RGS6: variants seen among roughly 807,000 people sequenced by gnomAD.
RGS6 encodes regulator of G protein signaling 6.
Under a neutral mutation model 78.5 loss-of-function variants are expected in RGS6, and 30 were observed. The ratio of observed to expected loss-of-function variants is 0.38; its 90% CI spans 0.29 to 0.52. The LOEUF (loss-of-function observed/expected upper bound fraction) is 0.52, where lower values mean the gene tolerates loss of function less well. RGS6 is among the 20% of genes least tolerant of loss of function. The probability of loss-of-function intolerance (pLI) is 0.85; values close to 1 mark genes in which losing one functional copy is unlikely to be tolerated. For synonymous variants in RGS6, 206 were observed against 206.0 expected, an observed-to-expected ratio of 1.00 and a Z score of 0.00; for missense variants, 495 against 609.7, an observed-to-expected ratio of 0.81 and a Z score of 1.98.
At chr14:72,471,466 C>T (rs2096074547) in intron 8 of RGS6, among the ~76,000 whole-genome samples, 1 of 152,228 alleles carries the variant, frequency 6.6e-6, no homozygotes, top group African/African-American at 2.4e-5. Flanking sequence ...GAGAATGGGA[C>T]TATGTTTCCT....
intron 2 of RGS6, among the ~76,000 whole-genome samples, chr14:72,033,055 A>G (rs997750983): frequency 1.3e-5 from 2 of 152,248 alleles, no homozygotes; most frequent in African/African-American, 4.8e-5. Flanking sequence ...CAACTAACCA[A>G]TTAAGCACAA....
intron 14 of RGS6, 92 bp downstream of exon 14, chr14:72,510,371 T>A: frequency 6.6e-7 from 1 of 1,513,530 alleles, no homozygotes; most frequent in Non-Finnish European, 9.1e-7. Flanking sequence ...CAATGAAACG[T>A]TATCAGGGTT....
intron 3 of RGS6, among the ~76,000 whole-genome samples, chr14:72,445,951 T>C (rs1162506791): frequency 1.3e-5 from 2 of 152,210 alleles, no homozygotes; most frequent in African/African-American, 4.8e-5. Flanking sequence ...CTGGTATGAC[T>C]GGTAGTCTTA....
chr14:72,620,916 G>GT, the RGS6 span, among the ~76,000 whole-genome samples: 13 of 152,322 alleles, frequency 8.5e-5, no homozygotes, highest in South Asian at 6.2e-4. Context: ...CAAGGCGCGT[G>GT]GTTCACTTGA....
At chr14:72,001,124 G>T (rs947039453) in intron 2 of RGS6, among the ~76,000 whole-genome samples, 1 of 152,152 alleles carries the variant, frequency 6.6e-6, no homozygotes, top group Non-Finnish European at 1.5e-5. Flanking sequence ...TGGCAACCTG[G>T]GAGGTCACGC....
In RGS6 at chr14:72,368,581, A is replaced by T. The variant is rs374191174; in HGVS notation, c.184+16387A>T. 2.6e-5 allele frequency among the ~76,000 whole-genome samples: 4 copies of T among 152,292 alleles called. No individual in the cohort carries two copies. The South Asian group carries it at 8.3e-4, about 32-fold the overall frequency. ...CTTTGGACAACTTTGACCTTTAGAA[A>T]CTTTTTTTATAATGAACTTCCCTGC... On this transcript the variant is annotated intron_variant, in intron 3 of 17. Transcript: ENST00000553525.
At chr14:72,173,730 T>C (rs960642742) in intron 2 of RGS6, among the ~76,000 whole-genome samples, 1 of 152,214 alleles carries the variant, frequency 6.6e-6, no homozygotes, top group Non-Finnish European at 1.5e-5. Flanking sequence ...TCTTTGGATC[T>C]AAATAACATA....
chr14:72,129,031 T>A (rs2096261763), intron 2 of RGS6, among the ~76,000 whole-genome samples: 1 of 152,196 alleles, frequency 6.6e-6, no homozygotes, highest in Admixed American at 6.5e-5. Context: ...CTCTTAAAAA[T>A]TTTTGCTTTA....
At chr14:72,055,931 A>G (rs1459919326) in intron 2 of RGS6, among the ~76,000 whole-genome samples, 1 of 152,210 alleles carries the variant, frequency 6.6e-6, no homozygotes, top group Admixed American at 6.5e-5. Context: ...AAAAGTTAGT[A>G]TGGGCTAGAA....
chr14:71,997,172 G>A (rs2095237846), intron 2 of RGS6, among the ~76,000 whole-genome samples: 1 of 152,176 alleles, frequency 6.6e-6, no homozygotes, highest in African/African-American at 2.4e-5. Context: ...GTCAGAACCT[G>A]GCAATTAGGT....
In RGS6 at chr14:72,089,501, A is replaced by G. The variant is rs181220223; in HGVS notation, c.84+124626A>G. Reference sequence around the variant, plus strand: ...TCAAAACTGGATTAATTAGTCTACAATGTATCTTTCCTGTTAGATACGAAG... The same window carrying G: ...TCAAAACTGGATTAATTAGTCTACAGTGTATCTTTCCTGTTAGATACGAAG... On this transcript the variant is annotated intron_variant, in intron 2 of 17. Coordinates refer to ENST00000553525, the MANE Select transcript of RGS6 (RefSeq NM_001204424.2). Among the ~76,000 whole-genome samples, 293 of 152,350 alleles carry G rather than the reference A, an allele frequency of 1.9e-3. 1 individual carries two copies. Among genetic ancestry groups the G allele is most frequent in the African/African-American group, 6.3e-3 (261 of 41,582 alleles).
chr14:72,474,888 A>G lies in RGS6; in HGVS notation c.693+189A>G, dbSNP rs577189069. 1.6e-4 allele frequency among the ~76,000 whole-genome samples: 24 copies of G among 152,366 alleles called. No homozygotes were observed. In the South Asian group the frequency reaches 5.0e-3, roughly 32 times the overall value. On this transcript the variant is annotated intron_variant, in intron 10 of 17. Transcript: ENST00000553525. Reference sequence around the variant, plus strand: ...TGTGCTCGTGCTAGGATACAGTGGCAGGTCCTCATGGAGCCCACAGCCTGG... The same window carrying G: ...TGTGCTCGTGCTAGGATACAGTGGCGGGTCCTCATGGAGCCCACAGCCTGG...
intron 2 of RGS6, among the ~76,000 whole-genome samples, chr14:71,990,283 C>CA (rs1167722756): frequency 4.6e-5 from 7 of 152,098 alleles, no homozygotes; most frequent in Non-Finnish European, 1.0e-4. Context: ...TTGATGGGGA[C>CA]AAAAAATCCC....
chr14:72,193,516 T>G (rs1442439570), intron 2 of RGS6, among the ~76,000 whole-genome samples: 1 of 152,184 alleles, frequency 6.6e-6, no homozygotes, highest in Admixed American at 6.5e-5. Context: ...TCTGGACCCT[T>G]GGGATATGAG....
intron 12 of RGS6, 150 bp downstream of exon 12, chr14:72,478,479 G>T (rs2096291154): frequency 3.2e-6 from 2 of 633,980 alleles, no homozygotes; most frequent in South Asian, 3.9e-5. Context: ...CAGGCTCCAT[G>T]TGAGTATAAC....
At chr14:72,263,004 C>T (rs1485862699) in intron 2 of RGS6, among the ~76,000 whole-genome samples, 2 of 152,074 alleles carry the variant, frequency 1.3e-5, no homozygotes, top group African/African-American at 4.8e-5. Context: ...AACTGTCTCC[C>T]AAGAGTCAAC....
In RGS6 at chr14:72,540,022, T is replaced by A; in HGVS notation, c.1369-19T>A. On this transcript the variant is annotated intron_variant, in intron 16 of 17. Coordinates refer to ENST00000553525, the MANE Select transcript of RGS6 (RefSeq NM_001204424.2). ...TTTTTCTGTATTTTTCTCCCTACCC[T>A]TTTTTTTTTTTCCTAAAGCCAGAAA... 3.2e-6 allele frequency: 2 copies of A among 624,292 alleles called. No homozygotes were observed. The highest frequency in any genetic ancestry group is 1.1e-4 in the East Asian group (2 of 18,422). 38.7% of individuals were successfully genotyped at this position (624,292 alleles called of 1,614,324 possible).
chr14:72,191,066 A>G (rs971467237), intron 2 of RGS6, among the ~76,000 whole-genome samples: 2 of 152,186 alleles, frequency 1.3e-5, no homozygotes, highest in Admixed American at 1.3e-4. Flanking sequence ...TCTTGTCAAT[A>G]TTATTCCAAG....
At chr14:71,974,027 C>T (rs1029937989) in intron 2 of RGS6, among the ~76,000 whole-genome samples, 9 of 152,098 alleles carry the variant, frequency 5.9e-5, no homozygotes, top group Admixed American at 2.0e-4. Flanking sequence ...GGTGTGTTTA[C>T]GTCTTCATTT....
Sources: allele counts gnomAD v4.1 joint callset (sites outside exome capture counted in the v4.1 genomes callset), GRCh38; gene constraint gnomAD v4.1.1; transcripts MANE v1.5; gene names NCBI Gene and HGNC (gene_info 2026-07-23, HGNC 2026-07-21).